The following SNX6 variants were observed in gnomAD, a reference collection of about 807,000 sequenced individuals.
SNX6 encodes the protein sorting nexin 6.
Under a neutral mutation model 63.0 loss-of-function variants are expected in SNX6, and 34 were observed. That is an observed-to-expected ratio of 0.54 (90% CI 0.41 to 0.72). SNX6 has a LOEUF of 0.72. Ranked by LOEUF, SNX6 falls within the 30% of genes least tolerant of loss-of-function variation. The pLI, the probability that SNX6 is intolerant of heterozygous loss-of-function variation, is 0.00. For missense variants in SNX6, 398 were observed against 471.4 expected, an observed-to-expected ratio of 0.84 and a Z score of 1.44; for synonymous variants, 170 against 164.2, an observed-to-expected ratio of 1.04 and a Z score of -0.27.
At chr14:34,593,980 T>G (rs923290266) in intron 7 of SNX6, among the ~76,000 whole-genome samples, 1 of 152,130 alleles carries the variant, frequency 6.6e-6, no homozygotes, top group African/African-American at 2.4e-5. Context: ...CCTCCCAACG[T>G]GCTAAAGTGC....
At chr14:34,568,144 A>ATTTT in intron 11 of SNX6, 131 bp from the exon 12 acceptor site, 121 of 456,940 alleles carry the variant, frequency 2.6e-4, no homozygotes, top group South Asian at 4.0e-4. Flanking sequence ...AGTTACTCCA[A>ATTTT]TTTTTTTTTT....
chr14:34,574,619 CAAAAAAAAAAAA>C (rs33959613), intron 11 of SNX6, among the ~76,000 whole-genome samples: 1 of 79,424 alleles, frequency 1.3e-5, no homozygotes, highest in Non-Finnish European at 2.5e-5. Context: ...GACTCCATCT[CAAAAAAAAAAAA>C]AAAAAAAAAA....
chr14:34,606,550 T>A (rs1239226174), intron 4 of SNX6, among the ~76,000 whole-genome samples: 1 of 152,002 alleles, frequency 6.6e-6, no homozygotes, highest in Non-Finnish European at 1.5e-5. Flanking sequence ...CCTCCTGGGT[T>A]CAAGTGATTC....
At chr14:34,568,299 C>T (rs28576465) in intron 11 of SNX6, among the ~76,000 whole-genome samples, 4,487 of 151,050 alleles carry the variant, frequency 0.03, 196 homozygotes, top group African/African-American at 0.097. Flanking sequence ...GGCGCGATCT[C>T]AGCTCACTGC....
At chr14:34,621,675 C>G (rs1212031872) in intron 2 of SNX6, among the ~76,000 whole-genome samples, 2 of 152,176 alleles carry the variant, frequency 1.3e-5, no homozygotes, top group African/African-American at 4.8e-5. Context: ...TAACCCTGTT[C>G]TTCCTTCCTA....
intron 2 of SNX6, among the ~76,000 whole-genome samples, chr14:34,614,800 T>A (rs1883358481): frequency 6.6e-6 from 1 of 152,088 alleles, no homozygotes; most frequent in Non-Finnish European, 1.5e-5. Flanking sequence ...TTGTAGTCTC[T>A]GCTACTCAGG....
chr14:34,618,650 C>G (rs1430412103), intron 2 of SNX6, among the ~76,000 whole-genome samples: 1 of 152,036 alleles, frequency 6.6e-6, no homozygotes, highest in African/African-American at 2.4e-5. Context: ...GCACCTGGCC[C>G]TCGTTTTTTG....
At position 34,586,223 on chromosome 14, in the gene SNX6, C is replaced by A. The variant is rs1239346164; in HGVS notation, c.794+7G>T. 65 of 1,545,142 alleles carry A rather than the reference C, an allele frequency of 4.2e-5. No homozygotes were observed. The highest frequency in any genetic ancestry group is 5.5e-5 in the Non-Finnish European group (62 of 1,127,680). On this transcript the variant is annotated splice_region_variant and intron_variant, in intron 9 of 13. Transcript: ENST00000362031. ...GCCTATTTCACGTTTTAAATTAGAA[C>A]ACTTACTTGCATATATCTGTAGAAT...
rs370058119 is a variant in SNX6, at chr14:34,605,703, T to C, written c.285A>G (p.Pro95=). 1.4e-5 allele frequency: 23 copies of C among 1,600,252 alleles called. No homozygotes were observed. The highest frequency in any genetic ancestry group is 5.4e-5 in the African/African-American group (4 of 73,840). The change falls in exon 5 of 14, where the codon CCA becomes CCG. Residue 95 remains proline (P), a synonymous_variant. Transcript: ENST00000362031. ...TTGAAGCATCAAAATCAGGTCTTGG[T>C]GGTGCTGGTGGAATCTGTAACAGGA... ...DYAGYIIPPA[P]PRPDFDASRE...
In SNX6 at chr14:34,563,139, A is replaced by G; in HGVS notation, c.1204T>C (p.Leu402=). ...LQLLQNCLAV[L]NGDT ...AGTGTGGCTTATGTGTCTCCATTTA[A>G]CACTGCCAGGCAGTTCTGCAGCAAC... The change falls in exon 14 of 14, where the codon TTA becomes CTA. Residue 402 remains leucine (L), a synonymous_variant. Coordinates refer to ENST00000362031, the MANE Select transcript of SNX6 (RefSeq NM_152233.4). 6.2e-7 allele frequency: 1 copy of G among 1,614,092 alleles called. No homozygotes were observed. The highest frequency in any genetic ancestry group is 8.5e-7 in the Non-Finnish European group (1 of 1,179,990).
chr14:34,565,547 C>T (rs1173831010), intron 13 of SNX6, among the ~76,000 whole-genome samples: 1 of 152,090 alleles, frequency 6.6e-6, no homozygotes, highest in East Asian at 1.9e-4. Flanking sequence ...CACAGAATCT[C>T]ACTCTGTCGC....
intron 13 of SNX6, among the ~76,000 whole-genome samples, chr14:34,565,823 G>A (rs1881155662): frequency 1.3e-5 from 2 of 152,076 alleles, no homozygotes; most frequent in Admixed American, 1.3e-4. Context: ...CTGAGTAGCT[G>A]GGACCACAGG....
At chr14:34,592,211 C>A (rs1882421316) in intron 8 of SNX6, among the ~76,000 whole-genome samples, 1 of 151,792 alleles carries the variant, frequency 6.6e-6, no homozygotes, top group Non-Finnish European at 1.5e-5. Flanking sequence ...GACTGTGAAA[C>A]CCCATCTCTA....
chr14:34,588,061 G>C (rs1236620886), intron 8 of SNX6, among the ~76,000 whole-genome samples: 1 of 150,590 alleles, frequency 6.6e-6, no homozygotes, highest in Non-Finnish European at 1.5e-5. Context: ...AGGCTGGAGT[G>C]CAGTGGCACA....
chr14:34,606,630 T>G (rs910900948), intron 4 of SNX6, among the ~76,000 whole-genome samples: 1 of 152,094 alleles, frequency 6.6e-6, no homozygotes, highest in African/African-American at 2.4e-5. Context: ...TTTTGTATTT[T>G]TAGTAGAGAT....
chr14:34,627,309 C>T (rs1462459064), intron 2 of SNX6, among the ~76,000 whole-genome samples: 5 of 152,118 alleles, frequency 3.3e-5, no homozygotes, highest in Non-Finnish European at 7.4e-5. Context: ...TAGCCAGGTG[C>T]GGTGGCGGGC....
intron 11 of SNX6, among the ~76,000 whole-genome samples, chr14:34,571,250 G>A (rs1359980165): frequency 6.6e-6 from 1 of 151,546 alleles, no homozygotes. Flanking sequence ...TGGCTAAAAC[G>A]GTGAAACCCC....
At chr14:34,582,334 G>C (rs1881975053) in intron 9 of SNX6, among the ~76,000 whole-genome samples, 1 of 151,746 alleles carries the variant, frequency 6.6e-6, no homozygotes, top group Non-Finnish European at 1.5e-5. Context: ...TTTTCACCTG[G>C]TTAAAAATTA....
In SNX6 at chr14:34,586,286, A is replaced by G. The variant is rs1019396000; in HGVS notation, c.738T>C (p.Asn246=). 2.5e-6 allele frequency: 4 copies of G among 1,607,296 alleles called. No individual in the cohort carries two copies. In the Admixed American group the frequency reaches 5.0e-5, roughly 20 times the overall value. ...RSHKSAADDY[N]RIGSSLYALG... is the part of the protein sequence containing the mutation. ...AAGCATATAATGAAGAACCAATTCT[A>G]TTGTAATCATCTGCAGCACCTATGG... Residue 246 remains asparagine (N), a synonymous_variant, in exon 9 of 14, where the codon AAT becomes AAC. Coordinates refer to ENST00000362031, the MANE Select transcript of SNX6 (RefSeq NM_152233.4).
Sources: allele counts gnomAD v4.1 joint callset (sites outside exome capture counted in the v4.1 genomes callset), GRCh38; gene constraint gnomAD v4.1.1; transcripts MANE v1.5; gene names NCBI Gene and HGNC (gene_info 2026-07-23, HGNC 2026-07-21).